The following TTC12 variants were observed in gnomAD, a reference collection of about 807,000 sequenced individuals.
The protein encoded by TTC12 is tetratricopeptide repeat domain 12, also known as tetratricopeptide repeat protein 12.
Under a neutral mutation model 90.1 loss-of-function variants are expected in TTC12, and 70 were observed. The ratio of observed to expected loss-of-function variants is 0.78; its 90% CI spans 0.64 to 0.95. The LOEUF (loss-of-function observed/expected upper bound fraction) is 0.95, where lower values mean the gene tolerates loss of function less well. Among genes scored for constraint, TTC12 ranks in the 40% least tolerant of loss-of-function variants. TTC12 has a pLI of 0.00. For synonymous variants in TTC12, 296 were observed against 311.5 expected, an observed-to-expected ratio of 0.95 and a Z score of 0.53; for missense variants, 819 against 846.1, an observed-to-expected ratio of 0.97 and a Z score of 0.40.
chr11:113,341,636 G>T, intron 11 of TTC12: 3 of 572,442 alleles, frequency 5.2e-6, no homozygotes, highest in Admixed American at 2.7e-5. Context: ...CCTCTGTGCA[G>T]CCCTGGCTTC....
At chr11:113,372,808 A>G (rs1194030937) in intron 21 of TTC12, among the ~76,000 whole-genome samples, 3 of 152,230 alleles carry the variant, frequency 2.0e-5, no homozygotes, top group East Asian at 3.9e-4. Context: ...AGGCCAGCCA[A>G]TGTTGGGCAT....
intron 6 of TTC12, 89 bp from the exon 7 acceptor site, chr11:113,329,831 A>T: frequency 9.1e-7 from 1 of 1,103,376 alleles, no homozygotes; most frequent in Non-Finnish European, 1.4e-6. Flanking sequence ...TCTCGCTGAC[A>T]TTCTACTGTT....
In TTC12 at chr11:113,366,275, C is replaced by T. The variant is rs201695977; in HGVS notation, c.2093C>T (p.Thr698Met). ...CATGGCCTAGAAATTCTCAACTCTA[C>T]GATGAAATACATCAGTGATTCTTGA... is the stretch of plus-strand genomic sequence containing the variant. ...KLHGLEILNS[T>M]MKYISDS Residue 698 changes from threonine to methionine, a missense_variant, in exon 22 of 22, where the codon ACG becomes ATG. Transcript: ENST00000529221. The T allele has an allele frequency of 1.7e-5, 28 of 1,613,694 alleles. No homozygotes were observed. Among genetic ancestry groups the T allele is most frequent in the East Asian group, 6.7e-5 (3 of 44,886 alleles).
chr11:113,350,565 C>T (rs1022080595), intron 14 of TTC12, among the ~76,000 whole-genome samples: 3 of 152,252 alleles, frequency 2.0e-5, no homozygotes, highest in Non-Finnish European at 2.9e-5. Context: ...CTGCAGCCTC[C>T]TCTGGGGTTG....
At chr11:113,336,236 T>C (rs868928612) in intron 8 of TTC12, among the ~76,000 whole-genome samples, 3 of 152,332 alleles carry the variant, frequency 2.0e-5, no homozygotes, top group African/African-American at 7.2e-5. Context: ...AAATATCTTC[T>C]TTTATAATGA....
chr11:113,317,097 G>C (rs1242604036), intron 2 of TTC12, among the ~76,000 whole-genome samples: 2 of 152,208 alleles, frequency 1.3e-5, no homozygotes, highest in African/African-American at 4.8e-5. Context: ...GTTCCATGGA[G>C]CTCTGGCCTT....
intron 17 of TTC12, among the ~76,000 whole-genome samples, chr11:113,359,690 T>G (rs1433002218): frequency 6.6e-6 from 1 of 152,152 alleles, no homozygotes; most frequent in Non-Finnish European, 1.5e-5. Context: ...ATCCAAGGTG[T>G]GCTGAGCAGA....
chr11:113,321,510 T>G (rs1947335645), intron 2 of TTC12, among the ~76,000 whole-genome samples: 1 of 152,172 alleles, frequency 6.6e-6, no homozygotes, highest in Admixed American at 6.5e-5. Flanking sequence ...CTAAAGCATC[T>G]TAAGAGAAAA....
rs572163300 is a variant in TTC12 at position 113,363,285 on chromosome 11, G to T, written c.1717-543G>T. ...TATAACTTTTGCAAACCCACCAAAAGCTCCTGATGGCATGCATACCCATGC... is the reference window on the plus strand; with the variant it reads ...TATAACTTTTGCAAACCCACCAAAATCTCCTGATGGCATGCATACCCATGC... On this transcript the variant is annotated intron_variant, in intron 19 of 21. Coordinates refer to ENST00000529221, the MANE Select transcript of TTC12 (RefSeq NM_017868.4). Among the ~76,000 whole-genome samples, 13 of 152,324 alleles carry T rather than the reference G, an allele frequency of 8.5e-5. No individual in the cohort carries two copies. In the East Asian group the frequency reaches 1.7e-3, roughly 20 times the overall value.
At chr11:113,366,803 G>A (rs746755329), downstream of TTC12, among the ~76,000 whole-genome samples, 16 of 152,242 alleles carry the variant, frequency 1.1e-4, no homozygotes, top group Non-Finnish European at 1.5e-4. Context: ...TGCATGTGCC[G>A]TTAAATTCAG....
chr11:113,356,662 G>T (rs1555152550), intron 16 of TTC12, among the ~76,000 whole-genome samples: 1 of 151,412 alleles, frequency 6.6e-6, no homozygotes, highest in Non-Finnish European at 1.5e-5. Context: ...CTCACCATTT[G>T]CTTATTTCTC....
chr11:113,347,256 A>C (rs1949021248), intron 13 of TTC12, among the ~76,000 whole-genome samples: 1 of 152,200 alleles, frequency 6.6e-6, no homozygotes, highest in Admixed American at 6.5e-5. Context: ...TCCATTCCTG[A>C]AGATGTTAGG....
intron 6 of TTC12, 128 bp downstream of exon 6, chr11:113,325,773 G>T: frequency 8.0e-7 from 1 of 1,250,646 alleles, no homozygotes; most frequent in Non-Finnish European, 1.1e-6. Flanking sequence ...TGTTTTAAGT[G>T]TGGGAGGAGC....
chr11:113,363,920 G>C lies in TTC12; in HGVS notation c.1809G>C (p.Leu603=). The C allele has an allele frequency of 1.9e-6, 3 of 1,610,052 alleles. No individual in the cohort carries two copies. Among genetic ancestry groups the C allele is most frequent in the Non-Finnish European group, 2.6e-6 (3 of 1,176,350 alleles). Residue 603 remains leucine, a synonymous_variant, in exon 20 of 22, where the codon CTG becomes CTC. Coordinates refer to ENST00000529221, the MANE Select transcript of TTC12 (RefSeq NM_017868.4). ...YHEAREEVIR[L]DKKLSVMMKL... ...AAGCTCGGGAAGAAGTAATAAGACTGGATAAAAGTAAGTGATGATTTCCTT... is the reference window on the plus strand; with the variant it reads ...AAGCTCGGGAAGAAGTAATAAGACTCGATAAAAGTAAGTGATGATTTCCTT...
At chr11:113,330,649 G>A (rs530186847) in intron 7 of TTC12, among the ~76,000 whole-genome samples, 28 of 152,226 alleles carry the variant, frequency 1.8e-4, no homozygotes, top group Admixed American at 7.8e-4. Context: ...CTCTGTCACG[G>A]GGGTTTTAAC....
chr11:113,338,684 A>T (rs1227234216), intron 8 of TTC12, 90 bp from the exon 9 acceptor site: 4 of 952,002 alleles, frequency 4.2e-6, no homozygotes, highest in Non-Finnish European at 6.6e-6. Flanking sequence ...GGAGAAAATA[A>T]TGAAGCAGCC....
chr11:113,368,164 C>A, downstream of TTC12: 1 of 1,386,766 alleles, frequency 7.2e-7, no homozygotes, highest in Non-Finnish European at 9.5e-7. Context: ...TGTCAAATTA[C>A]GTTATTATGT....
Position 113,359,961 on chromosome 11 carries a change from A to G in TTC12, c.1567A>G (p.Arg523Gly), listed in dbSNP as rs781816160. Residue 523 changes from arginine to glycine, a missense_variant, in exon 18 of 22, where the codon AGA becomes GGA. Arg to Gly is a moderately radical substitution (Grantham distance 125, BLOSUM62 -2). Transcript: ENST00000529221. ...GTAGGTTTGGGCTGTGGAGGTGAGCAGAAGGTGCCTGTCTTTACTAAACAG... is the reference window on the plus strand; with the variant it reads ...GTAGGTTTGGGCTGTGGAGGTGAGCGGAAGGTGCCTGTCTTTACTAAACAG... Reference protein sequence around the residue: ...VSEVWAVEVSRRCLSLLNSQD... With the variant: ...VSEVWAVEVSGRCLSLLNSQD... The G allele has an allele frequency of 3.1e-6, 5 of 1,599,130 alleles. No homozygotes were observed. The South Asian group carries it at 3.4e-5, about 11-fold the overall frequency.
At chr11:113,339,661 C>G in intron 10 of TTC12, 187 bp downstream of exon 10, 1 of 560,590 alleles carries the variant, frequency 1.8e-6, no homozygotes, top group Non-Finnish European at 3.1e-6. Flanking sequence ...ATCCTCTCTA[C>G]AGAGCATGCG....
Sources: gnomAD v4.1 joint callset for allele counts (sites outside exome capture counted in the v4.1 genomes callset) on GRCh38, gnomAD v4.1.1 for gene constraint, MANE v1.5 for transcripts, NCBI Gene and HGNC (gene_info 2026-07-23, HGNC 2026-07-21) for gene names.